Variants in POFUT3 observed in about 807,000 individuals in gnomAD.
POFUT3 encodes the protein protein O-fucosyltransferase 3, also known as GDP-fucose protein O-fucosyltransferase 3.
chr8:33,466,028 G>A, the POFUT3 span, among the ~76,000 whole-genome samples: 3 of 152,160 alleles, frequency 2.0e-5, no homozygotes, highest in Non-Finnish European at 4.4e-5. Context: ...TATGACAGAA[G>A]AATTTTAAGA....
the POFUT3 span, among the ~76,000 whole-genome samples, chr8:33,470,549 T>C: frequency 6.6e-6 from 1 of 152,240 alleles, no homozygotes; most frequent in African/African-American, 2.4e-5. Flanking sequence ...TGAGGTCTTA[T>C]ACTAATAAGT....
the POFUT3 span, among the ~76,000 whole-genome samples, chr8:33,340,614 T>TAATC: frequency 1.3e-5 from 2 of 152,028 alleles, no homozygotes; most frequent in African/African-American, 4.8e-5. Flanking sequence ...ATTTAAACAT[T>TAATC]AATCAAAGAA....
the POFUT3 span, among the ~76,000 whole-genome samples, chr8:33,462,054 G>A: frequency 7.3e-6 from 1 of 137,648 alleles, no homozygotes; most frequent in Admixed American, 7.8e-5. Flanking sequence ...CAGCTACTCA[G>A]GAGGCTGCAG....
the POFUT3 span, among the ~76,000 whole-genome samples, chr8:33,330,993 A>G: frequency 9.9e-5 from 15 of 152,274 alleles, no homozygotes; most frequent in Non-Finnish European, 1.9e-4. Context: ...GGAAGTAGAC[A>G]TTTAACAAAT....
chr8:33,456,960 G>C, the POFUT3 span, among the ~76,000 whole-genome samples: 2 of 151,616 alleles, frequency 1.3e-5, no homozygotes, highest in African/African-American at 4.8e-5. Flanking sequence ...TAGTAGAGAC[G>C]GGGTTTCACC....
At chr8:33,382,438 A>G in the POFUT3 span, among the ~76,000 whole-genome samples, 1 of 152,190 alleles carries the variant, frequency 6.6e-6, no homozygotes, top group Non-Finnish European at 1.5e-5. Context: ...ACAAAATGAT[A>G]AGGAAAACAA....
chr8:33,390,696 G>A, the POFUT3 span, among the ~76,000 whole-genome samples: 119 of 152,100 alleles, frequency 7.8e-4, 1 homozygote, highest in African/African-American at 2.8e-3. Flanking sequence ...TTTTAAAGAC[G>A]AAAGAGCTGA....
the POFUT3 span, among the ~76,000 whole-genome samples, chr8:33,308,812 C>T: frequency 1.5e-3 from 235 of 152,052 alleles, 6 homozygotes; most frequent in East Asian, 0.039. Context: ...ACAAAAAGAG[C>T]TAGGGTCCCA....
the POFUT3 span, among the ~76,000 whole-genome samples, chr8:33,443,214 T>A: frequency 1.3e-5 from 2 of 152,250 alleles, no homozygotes; most frequent in East Asian, 1.9e-4. Flanking sequence ...CATTTATTAA[T>A]AATTTTATTA....
the POFUT3 span, among the ~76,000 whole-genome samples, chr8:33,374,013 T>C: frequency 6.6e-6 from 1 of 152,202 alleles, no homozygotes; most frequent in African/African-American, 2.4e-5. Context: ...GAACCAGTAC[T>C]GTTCCCTGGC....
chr8:33,454,559 A>G, the POFUT3 span, among the ~76,000 whole-genome samples: 3 of 152,318 alleles, frequency 2.0e-5, no homozygotes, highest in African/African-American at 7.2e-5. Context: ...GGGAGTGGAC[A>G]CAGCCTCCAA....
At chr8:33,420,707 T>C in the POFUT3 span, among the ~76,000 whole-genome samples, 2 of 152,062 alleles carry the variant, frequency 1.3e-5, no homozygotes, top group African/African-American at 4.8e-5. Context: ...TACAGCTAGA[T>C]AGAAGGAATA....
At chr8:33,426,538 T>C in the POFUT3 span, among the ~76,000 whole-genome samples, 1 of 152,210 alleles carries the variant, frequency 6.6e-6, no homozygotes, top group Non-Finnish European at 1.5e-5. Flanking sequence ...AAGTGAAGTA[T>C]ATCTTCTCTG....
the POFUT3 span, among the ~76,000 whole-genome samples, chr8:33,402,286 G>A: frequency 2.0e-5 from 3 of 152,270 alleles, no homozygotes; most frequent in East Asian, 5.8e-4. Flanking sequence ...CCAACCGAAT[G>A]CTTTTTTTGA....
chr8:33,432,513 A>T, the POFUT3 span, among the ~76,000 whole-genome samples: 1 of 152,096 alleles, frequency 6.6e-6, no homozygotes, highest in Non-Finnish European at 1.5e-5. Flanking sequence ...GTCTCTTTTA[A>T]TTTTTCCAGG....
At chr8:33,344,035 T>C in the POFUT3 span, among the ~76,000 whole-genome samples, 1 of 152,220 alleles carries the variant, frequency 6.6e-6, no homozygotes, top group Non-Finnish European at 1.5e-5. Flanking sequence ...CTTTTCAGCC[T>C]TCCAAAACTA....
chr8:33,390,784 G>C, the POFUT3 span, among the ~76,000 whole-genome samples: 1 of 152,104 alleles, frequency 6.6e-6, no homozygotes, highest in Non-Finnish European at 1.5e-5. Flanking sequence ...AGGCCTAACA[G>C]GATTACAATT....
chr8:33,330,635 T>C, the POFUT3 span, among the ~76,000 whole-genome samples: 1 of 152,176 alleles, frequency 6.6e-6, no homozygotes, highest in Non-Finnish European at 1.5e-5. Flanking sequence ...CTCTGTGGTG[T>C]TGCACAAGTG....
At chr8:33,383,715 C>T in the POFUT3 span, among the ~76,000 whole-genome samples, 2 of 152,126 alleles carry the variant, frequency 1.3e-5, no homozygotes, top group Middle Eastern at 3.2e-3. Flanking sequence ...AGGCGAATTG[C>T]TTGAATCCAA....
Sources: gnomAD v4.1 joint callset for allele counts (sites outside exome capture counted in the v4.1 genomes callset) on GRCh38, gnomAD v4.1.1 for gene constraint, MANE v1.5 for transcripts, NCBI Gene and HGNC (gene_info 2026-07-23, HGNC 2026-07-21) for gene names.